SLIT1: variants seen among roughly 807,000 people sequenced by gnomAD.
SLIT1 encodes the protein slit guidance ligand 1.
SLIT1 carries 66 observed loss-of-function variants against 186.1 expected under a neutral mutation model. The observed-to-expected ratio is 0.35, with a 90% CI of 0.29 to 0.44. SLIT1 has a LOEUF of 0.44. Among genes scored for constraint, SLIT1 ranks in the 20% least tolerant of loss-of-function variants. SLIT1 has a pLI of 1.00. For synonymous variants in SLIT1, 761 were observed against 833.8 expected, an observed-to-expected ratio of 0.91 and a Z score of 1.50; for missense variants, 1,638 against 2,037.4, an observed-to-expected ratio of 0.80 and a Z score of 3.77.
intron 9 of SLIT1, 33 bp from the exon 10 acceptor site, chr10:97,060,191 G>A: frequency 7.1e-6 from 11 of 1,549,996 alleles, no homozygotes; most frequent in Non-Finnish European, 9.8e-6. Flanking sequence ...AAGCCCAAGG[G>A]CCCAGGTCAG....
At chr10:97,098,359 T>TGAA (rs1489646556) in intron 4 of SLIT1, among the ~76,000 whole-genome samples, 1 of 152,186 alleles carries the variant, frequency 6.6e-6, no homozygotes, top group African/African-American at 2.4e-5. Context: ...GTAACTGGGA[T>TGAA]GAAGCCAAGC....
chr10:97,069,756 G>A (rs147894762), intron 4 of SLIT1, among the ~76,000 whole-genome samples: 11 of 152,298 alleles, frequency 7.2e-5, no homozygotes, highest in African/African-American at 2.2e-4. Context: ...GTGTGTGTAC[G>A]TGGGAGGTTG....
intron 4 of SLIT1, among the ~76,000 whole-genome samples, chr10:97,087,786 C>T (rs913875439): frequency 2.8e-4 from 42 of 152,196 alleles, no homozygotes; most frequent in African/African-American, 8.4e-4. Context: ...CAGAGCTGGG[C>T]GCTGGGGGGA....
chr10:97,024,551 G>T (rs1477102335), intron 25 of SLIT1, among the ~76,000 whole-genome samples: 1 of 152,082 alleles, frequency 6.6e-6, no homozygotes, highest in African/African-American at 2.4e-5. Context: ...CTGGCTAACG[G>T]GATGGGTGAT....
In SLIT1 at chr10:97,002,691, G is replaced by C; in HGVS notation, c.4154+13C>G. ...AGGCAGGGGCAAGGGCTCCCCCAGT[G>C]CCCCAGGCTCACTTGTGGCCATGGC... On this transcript the variant is annotated intron_variant, in intron 35 of 36. Coordinates refer to ENST00000266058, the MANE Select transcript of SLIT1 (RefSeq NM_003061.3). The C allele has an allele frequency of 6.4e-7, 1 of 1,552,260 alleles. No homozygotes were observed. The highest frequency in any genetic ancestry group is 8.7e-7 in the Non-Finnish European group (1 of 1,147,104).
In SLIT1 at chr10:97,021,440, C is replaced by T. The variant is rs1169494400; in HGVS notation, c.2583-27G>A. On this transcript the variant is annotated intron_variant, in intron 25 of 36. Coordinates refer to ENST00000266058, the MANE Select transcript of SLIT1 (RefSeq NM_003061.3). The surrounding 1 kb of genome is among the most constrained non-coding windows in gnomAD (Gnocchi z 4.5). ...TGAGCAGAAAGCAGAGAGAAGCAGG[C>T]ATTACAGCTTCATGGGGTCCCTCGC... is the stretch of plus-strand genomic sequence containing the variant. 2.5e-6 allele frequency: 4 copies of T among 1,600,638 alleles called. No individual in the cohort carries two copies. The South Asian group carries it at 3.3e-5, about 13-fold the overall frequency.
intron 4 of SLIT1, among the ~76,000 whole-genome samples, chr10:97,088,610 G>A (rs1413222560): frequency 6.6e-6 from 1 of 152,102 alleles, no homozygotes; most frequent in Non-Finnish European, 1.5e-5. Flanking sequence ...ACATGGCATG[G>A]GTGAAAGTTT....
At chr10:97,038,688 A>T (rs539501171) in intron 21 of SLIT1, among the ~76,000 whole-genome samples, 16 of 151,882 alleles carry the variant, frequency 1.1e-4, no homozygotes, top group Non-Finnish European at 2.2e-4. Context: ...CCAACTAACT[A>T]CAGCCTGCAG....
At chr10:97,048,824 T>TAGGC (rs1449553321) in intron 14 of SLIT1, 131 bp downstream of exon 14, 29 of 835,746 alleles carry the variant, frequency 3.5e-5, no homozygotes, top group Admixed American at 5.8e-5. Flanking sequence ...GGTGGACAGG[T>TAGGC]AGGCAGGCAG....
rs1391944985 is a variant in SLIT1 at position 97,068,967 on chromosome 10, G to A, written c.414-2881C>T. 2.0e-5 allele frequency among the ~76,000 whole-genome samples: 3 copies of A among 152,198 alleles called. No homozygotes were observed. Among genetic ancestry groups the A allele is most frequent in the African/African-American group, 7.2e-5 (3 of 41,444 alleles). On this transcript the variant is annotated intron_variant, in intron 4 of 36. Coordinates refer to ENST00000266058, the MANE Select transcript of SLIT1 (RefSeq NM_003061.3). The surrounding 1 kb of genome is among the most constrained non-coding windows in gnomAD (Gnocchi z 4.2). ...TTATCATCTCTTCCTTGCCTAGAGA[G>A]TTCCTTGGCTGCCACATCCTCTTCT...
At position 97,047,511 on chromosome 10, in the gene SLIT1, G is replaced by A. The variant is rs367680421; in HGVS notation, c.1634+179C>T. ...ATGGGTGAGGGGGGCTGTGAATGAAGCAGAGGGCAGCAGGGGTGGGGTTTC... is the reference window on the plus strand; with the variant it reads ...ATGGGTGAGGGGGGCTGTGAATGAAACAGAGGGCAGCAGGGGTGGGGTTTC... On this transcript the variant is annotated intron_variant, in intron 16 of 36. Transcript: ENST00000266058. Among the ~76,000 whole-genome samples the A allele has an allele frequency of 2.0e-3, 310 of 152,356 alleles. 1 individual carries two copies. The highest frequency in any genetic ancestry group is 7.4e-3 in the African/African-American group (306 of 41,584).
At chr10:97,094,138 C>T (rs543269566) in intron 4 of SLIT1, among the ~76,000 whole-genome samples, 2 of 152,248 alleles carry the variant, frequency 1.3e-5, no homozygotes, top group South Asian at 2.1e-4. Context: ...CTGTGTCCTA[C>T]GTAGAAGAAA....
At chr10:97,027,248 C>T (rs1207846805) in intron 25 of SLIT1, among the ~76,000 whole-genome samples, 1 of 152,222 alleles carries the variant, frequency 6.6e-6, no homozygotes, top group Non-Finnish European at 1.5e-5. Context: ...TCTATGTCAT[C>T]CTTTTACCGT....
rs527636768 is a variant in SLIT1, at chr10:97,046,689, G to A, written c.1818C>T (p.Ser606=). ...LTANQLESIR[S]GMFRGLDGLR... ...AGCCATCCAGACCCCGGAACATGCC[G>A]CTCCGGATGGACTCCAGCTGGTTGG... is the stretch of plus-strand genomic sequence containing the variant. Residue 606 remains serine, a synonymous_variant, in exon 18 of 37, where the codon AGC becomes AGT. Coordinates refer to ENST00000266058, the MANE Select transcript of SLIT1 (RefSeq NM_003061.3). 49 of 1,610,906 alleles carry A rather than the reference G, an allele frequency of 3.0e-5. No homozygotes were observed. Among genetic ancestry groups the A allele is most frequent in the Middle Eastern group, 1.6e-4 (1 of 6,062 alleles).
At chr10:97,007,247 A>C (rs1287264107) in intron 31 of SLIT1, among the ~76,000 whole-genome samples, 2 of 152,224 alleles carry the variant, frequency 1.3e-5, no homozygotes, top group African/African-American at 4.8e-5. Context: ...CAAACTACCA[A>C]AACTGAACCA....
At chr10:97,031,116 G>C (rs954143919) in intron 24 of SLIT1, among the ~76,000 whole-genome samples, 7 of 152,190 alleles carry the variant, frequency 4.6e-5, no homozygotes, top group Non-Finnish European at 5.9e-5. Context: ...AGGACCCTAA[G>C]GGGGGAGGCG....
rs765673999 is a variant in SLIT1, at chr10:97,048,958, A to G, written c.1462T>C (p.Ser488Pro). 1 of 1,606,088 alleles carries G rather than the reference A, an allele frequency of 6.2e-7. No homozygotes were observed. Among genetic ancestry groups the G allele is most frequent in the Non-Finnish European group, 8.5e-7 (1 of 1,179,342 alleles). The stretch of plus-strand genomic sequence containing the variant: ...AGGTGGGCAGGCGGGCAGGTACCTG[A>G]GCACCGGAACTTCTTGCTCTTGATC... ...GQIKSKKFRC[S>P]AKEQYFIPGT... is the part of the protein sequence containing the mutation. Residue 488 changes from serine (S) to proline (P), a missense_variant, in exon 14 of 37, where the codon TCA becomes CCA. Ser to Pro is a moderately conservative substitution (Grantham distance 74, BLOSUM62 -1). Transcript: ENST00000266058.
At chr10:97,009,119 C>T (rs1341132915) in intron 31 of SLIT1, among the ~76,000 whole-genome samples, 2 of 152,046 alleles carry the variant, frequency 1.3e-5, no homozygotes, top group African/African-American at 2.4e-5. Context: ...CCTTGTGATC[C>T]GCCTGCCTCG....
chr10:97,184,906 G>A lies in SLIT1; in HGVS notation c.197+572C>T, dbSNP rs1328338011. Among the ~76,000 whole-genome samples the A allele has an allele frequency of 1.3e-5, 2 of 152,164 alleles. No individual in the cohort carries two copies. Among genetic ancestry groups the A allele is most frequent in the Admixed American group, 1.3e-4 (2 of 15,274 alleles). On this transcript the variant is annotated intron_variant, in intron 1 of 36. Transcript: ENST00000266058. The surrounding 1 kb of genome is among the most constrained non-coding windows in gnomAD (Gnocchi z 4.4). ...GCTGGGTGTGGAGGGAGGCGGGTGA[G>A]TAGGGGACCAACGCGTGGCACCTGC...
Sources: gnomAD v4.1 joint callset for allele counts (sites outside exome capture counted in the v4.1 genomes callset) on GRCh38, gnomAD v4.1.1 for gene constraint, Gnocchi (gnomAD v3.1) non-coding constraint, MANE v1.5 for transcripts, NCBI Gene and HGNC (gene_info 2026-07-23, HGNC 2026-07-21) for gene names.